ARHGAP6: variants seen among roughly 807,000 people sequenced by gnomAD.
The protein encoded by ARHGAP6 is rho GTPase-activating protein 6.
A neutral mutation model predicts 55.7 loss-of-function variants in ARHGAP6; 16 were observed. The observed-to-expected ratio is 0.29, with a 90% confidence interval of 0.19 to 0.44. The LOEUF (loss-of-function observed/expected upper bound fraction) is 0.44. ARHGAP6 is among the 20% of genes least tolerant of loss of function. The pLI is 1.00. For missense variants in ARHGAP6, 698 were observed against 808.9 expected (o/e 0.86, Z 1.66); for synonymous variants, 382 against 360.9 (o/e 1.06, Z -0.66).
At chrX:11,578,857 A>T (rs943863518) in intron 1 of ARHGAP6, among the ~76,000 whole-genome samples, 2 of 111,508 alleles carry the variant, frequency 1.8e-5, no homozygotes, top group African/African-American at 6.5e-5. Flanking sequence ...GCTATAAAAA[A>T]GGACGAGTTC....
rs191300795 is a variant in ARHGAP6, at chrX:11,336,227, G to A, written c.589-81520C>T. ...GTGGTGGCAATTTAAAATAACTAAT[G>A]ATCATAATTATTGGAATCTAGTCTC... On this transcript the variant is annotated intron_variant, in intron 1 of 12. Transcript: ENST00000337414. 1.2e-4 allele frequency among the ~76,000 whole-genome samples: 13 copies of A among 111,348 alleles called. No individual in the cohort carries two copies. The East Asian group carries it at 3.4e-3, about 29-fold the overall frequency.
chrX:11,606,563 C>T (rs1348790689), intron 1 of ARHGAP6, among the ~76,000 whole-genome samples: 1 of 111,369 alleles, frequency 9.0e-6, no homozygotes, highest in Non-Finnish European at 1.9e-5. Context: ...GATAGGGTCA[C>T]ATCATTAGTT....
At chrX:11,346,793 G>A (rs1431351584) in intron 1 of ARHGAP6, among the ~76,000 whole-genome samples, 2 of 107,616 alleles carry the variant, frequency 1.9e-5, no homozygotes, top group Admixed American at 9.9e-5. Context: ...ATAACAAGTG[G>A]ACAAAATAAA....
chrX:11,188,276 T>C (rs2046411071), intron 4 of ARHGAP6, among the ~76,000 whole-genome samples: 1 of 111,740 alleles, frequency 8.9e-6, no homozygotes. Flanking sequence ...GAAAAAGAAA[T>C]GCTCCATTGA....
chrX:11,554,856 G>A (rs2051305504), intron 1 of ARHGAP6, among the ~76,000 whole-genome samples: 1 of 111,901 alleles, frequency 8.9e-6, no homozygotes, highest in South Asian at 3.7e-4. Flanking sequence ...GTGTCAAAAC[G>A]CAGGAAGGAA....
At chrX:11,548,043 A>G (rs2051228674) in intron 1 of ARHGAP6, among the ~76,000 whole-genome samples, 1 of 111,474 alleles carries the variant, frequency 9.0e-6, no homozygotes, top group South Asian at 3.7e-4. Flanking sequence ...AAAAAAAAAA[A>G]TACTGATGAC....
chrX:11,555,732 G>A (rs2051314219), intron 1 of ARHGAP6, among the ~76,000 whole-genome samples: 1 of 111,148 alleles, frequency 9.0e-6, no homozygotes, highest in African/African-American at 3.3e-5. Context: ...GGGCAACAGA[G>A]CAAGACTCCA....
At chrX:11,596,759 A>G (rs2051908472) in intron 1 of ARHGAP6, among the ~76,000 whole-genome samples, 1 of 111,170 alleles carries the variant, frequency 9.0e-6, no homozygotes, top group South Asian at 3.8e-4. Flanking sequence ...CTCATGACTC[A>G]TACTTATCTT....
At chrX:11,522,570 C>T (rs1195708933) in intron 1 of ARHGAP6, among the ~76,000 whole-genome samples, 1 of 111,505 alleles carries the variant, frequency 9.0e-6, no homozygotes, top group East Asian at 2.8e-4. Flanking sequence ...ACCGATCCCA[C>T]AGAAATACAA....
At chrX:11,193,301 CCTT>C (rs1193024275) in intron 3 of ARHGAP6, among the ~76,000 whole-genome samples, 4 of 112,685 alleles carry the variant, frequency 3.5e-5, no homozygotes, top group African/African-American at 1.3e-4. Context: ...TTCCTGTTTT[CCTT>C]CTTTTACTCT....
chrX:11,149,076 G>A (rs1156712872), intron 10 of ARHGAP6, among the ~76,000 whole-genome samples: 2 of 112,100 alleles, frequency 1.8e-5, no homozygotes, highest in East Asian at 5.6e-4. Context: ...TCCACTGGAT[G>A]ATGAAGCTAA....
chrX:11,607,243 A>G (rs1303730320), intron 1 of ARHGAP6, among the ~76,000 whole-genome samples: 1 of 112,113 alleles, frequency 8.9e-6, no homozygotes, highest in Non-Finnish European at 1.9e-5. Flanking sequence ...ATGCTGCCTT[A>G]TAGAGAACCT....
chrX:11,649,619 G>A (rs2052564556), intron 1 of ARHGAP6, among the ~76,000 whole-genome samples: 1 of 111,621 alleles, frequency 9.0e-6, no homozygotes, highest in Admixed American at 9.6e-5. Context: ...CCCAGATCCT[G>A]CCTTTGGGAA....
intron 1 of ARHGAP6, among the ~76,000 whole-genome samples, chrX:11,593,502 T>C (rs755253476): frequency 2.6e-4 from 29 of 112,157 alleles, no homozygotes; most frequent in African/African-American, 9.1e-4. Flanking sequence ...TATGATACTA[T>C]AATGGTGGAC....
At chrX:11,654,355 A>G (rs2052616428) in intron 1 of ARHGAP6, among the ~76,000 whole-genome samples, 1 of 111,807 alleles carries the variant, frequency 8.9e-6, no homozygotes, top group Non-Finnish European at 1.9e-5. Context: ...GTCCACTTCT[A>G]CAGAAATGAA....
rs764759752 is a variant in ARHGAP6 at position 11,391,256 on chromosome X, T to C, written c.589-136549A>G. On this transcript the variant is annotated intron_variant, in intron 1 of 12. Transcript: ENST00000337414. ...ACATGTTCTCACTCATAGGTGGGAA[T>C]TGAACAATGAGAACACATGGACACA... 8.1e-5 allele frequency among the ~76,000 whole-genome samples: 9 copies of C among 111,001 alleles called. No homozygotes were observed. The East Asian group carries it at 2.5e-3, about 31-fold the overall frequency.
At chrX:11,517,597 G>C (rs190666518) in intron 1 of ARHGAP6, among the ~76,000 whole-genome samples, 335 of 111,179 alleles carry the variant, frequency 3.0e-3, no homozygotes, top group Non-Finnish European at 4.6e-3. Flanking sequence ...TATGTGTTTG[G>C]TTTAAAATCA....
At position 11,377,413 on chromosome X, in the gene ARHGAP6, T is replaced by C. The variant is rs147123055; in HGVS notation, c.589-122706A>G. On this transcript the variant is annotated intron_variant, in intron 1 of 12. Coordinates refer to ENST00000337414, the MANE Select transcript of ARHGAP6 (RefSeq NM_013427.3). Reference sequence around the variant, plus strand: ...AAGGGCTGGTGGGTGATGGGGAAAATAGGGTGTGACTGCTAATGGGTATGG... The same window carrying C: ...AAGGGCTGGTGGGTGATGGGGAAAACAGGGTGTGACTGCTAATGGGTATGG... Among the ~76,000 whole-genome samples the C allele has an allele frequency of 2.4e-3, 272 of 111,503 alleles. 1 individual carries two copies. Among genetic ancestry groups the C allele is most frequent in the African/African-American group, 8.6e-3 (265 of 30,683 alleles).
At chrX:11,576,194 T>C (rs890017741) in intron 1 of ARHGAP6, among the ~76,000 whole-genome samples, 1 of 112,127 alleles carries the variant, frequency 8.9e-6, no homozygotes, top group Non-Finnish European at 1.9e-5. Context: ...CTTCCTTTTC[T>C]TCTACTGACA....
Sources: gnomAD v4.1 joint callset for allele counts (sites outside exome capture counted in the v4.1 genomes callset) on GRCh38, gnomAD v4.1.1 for gene constraint, MANE v1.5 for transcripts, NCBI Gene and HGNC (gene_info 2026-07-23, HGNC 2026-07-21) for gene names.